NT5C3A: variants seen among roughly 807,000 people sequenced by gnomAD.
NT5C3A encodes the protein cytosolic 5'-nucleotidase 3A.
In NT5C3A, 23 loss-of-function variants were observed where a neutral mutation model predicts 40.0. The observed-to-expected ratio is 0.58, with a 90% confidence interval of 0.41 to 0.81. The LOEUF is 0.81. Among genes scored for constraint, NT5C3A ranks in the 40% least tolerant of loss-of-function variants. The pLI, the probability that NT5C3A is intolerant of heterozygous loss-of-function variation, is 0.00. For missense variants in NT5C3A, 328 were observed against 403.0 expected, an observed-to-expected ratio of 0.81 and a Z score of 1.59; for synonymous variants, 130 against 141.4, an observed-to-expected ratio of 0.92 and a Z score of 0.57.
intron 1 of NT5C3A, among the ~76,000 whole-genome samples, chr7:33,036,867 A>C (rs1786634873): frequency 6.6e-6 from 1 of 151,828 alleles, no homozygotes; most frequent in Non-Finnish European, 1.5e-5. Context: ...GCTGGAGTGC[A>C]GTGGCATGAT....
intron 1 of NT5C3A, chr7:33,027,154 C>CA: frequency 2.4e-6 from 1 of 412,942 alleles, no homozygotes. Flanking sequence ...ACCGTAGCCT[C>CA]AAACTCCTGG....
chr7:33,049,499 A>G (rs949941863), intron 1 of NT5C3A, among the ~76,000 whole-genome samples: 3 of 152,198 alleles, frequency 2.0e-5, no homozygotes, highest in Non-Finnish European at 2.9e-5. Context: ...AAGATACTGT[A>G]TATCATTACT....
intron 4 of NT5C3A, 55 bp downstream of exon 4, chr7:33,021,998 A>G (rs1785650994): frequency 9.9e-7 from 1 of 1,007,218 alleles, no homozygotes; most frequent in Non-Finnish European, 1.6e-6. Flanking sequence ...AGAAATTCTC[A>G]GGCAAAAAGG....
At chr7:33,029,343 T>C (rs2128000377) in intron 1 of NT5C3A, 1 of 264,868 alleles carries the variant, frequency 3.8e-6, no homozygotes, top group African/African-American at 2.3e-5. Flanking sequence ...AGGGATATGA[T>C]GATGAGTAGT....
At chr7:33,019,603 C>A (rs1306521539) in intron 6 of NT5C3A, 32 bp downstream of exon 6, 1 of 1,264,132 alleles carries the variant, frequency 7.9e-7, no homozygotes, top group African/African-American at 1.5e-5. Context: ...AGTCTGTGAA[C>A]AATAACAGCA....
At chr7:33,057,742 G>C (rs939782742) in intron 1 of NT5C3A, among the ~76,000 whole-genome samples, 9 of 152,022 alleles carry the variant, frequency 5.9e-5, no homozygotes, top group African/African-American at 2.2e-4. Context: ...AGCTACTTAA[G>C]TAATAGTTGA....
chr7:33,062,688 C>G lies in NT5C3A; in HGVS notation c.18G>C (p.Val6=). 6.4e-7 allele frequency: 1 copy of G among 1,569,724 alleles called. No individual in the cohort carries two copies. The highest frequency in any genetic ancestry group is 2.4e-5 in the East Asian group (1 of 41,740). Residue 6 remains valine, a synonymous_variant, in exon 1 of 9, where the codon GTG becomes GTC. Coordinates refer to ENST00000610140, the MANE Select transcript of NT5C3A (RefSeq NM_001002010.5). The part of the protein sequence containing the change: MDRAA[V]ARVGAVASAS... ...CGCTCGCTACCGCGCCCACCCTCGC[C>G]ACGGCCGCGCGGTCCATGGACGGGG...
At chr7:33,034,758 G>A (rs1786489169) in intron 1 of NT5C3A, among the ~76,000 whole-genome samples, 1 of 152,152 alleles carries the variant, frequency 6.6e-6, no homozygotes, top group African/African-American at 2.4e-5. Context: ...ACAAAATGCT[G>A]TGTCACGCTC....
intron 3 of NT5C3A, 158 bp downstream of exon 3, chr7:33,023,881 A>G (rs529328825): frequency 1.0e-4 from 62 of 615,168 alleles, no homozygotes; most frequent in East Asian, 5.3e-4. Context: ...TAATATGGGA[A>G]AAAAAACCTC....
intron 7 of NT5C3A, 24 bp downstream of exon 7, chr7:33,017,415 T>A (rs1161090364): frequency 6.5e-7 from 1 of 1,529,090 alleles, no homozygotes; most frequent in East Asian, 2.2e-5. Flanking sequence ...TTTAAAATTA[T>A]GAAGAACGAT....
intron 2 of NT5C3A, among the ~76,000 whole-genome samples, chr7:33,024,437 T>C (rs1270983783): frequency 2.5e-5 from 2 of 80,938 alleles, no homozygotes; most frequent in African/African-American, 1.1e-4. Context: ...TTATCTTAAG[T>C]GAAATAAGAC....
At chr7:33,045,819 T>C (rs1787123103) in intron 1 of NT5C3A, 1 of 152,058 alleles carries the variant, frequency 6.6e-6, no homozygotes, top group African/African-American at 2.4e-5. Flanking sequence ...CTCATTATGT[T>C]GCCCAGGCTG....
At chr7:33,060,535 C>T (rs1206561201) in intron 1 of NT5C3A, among the ~76,000 whole-genome samples, 2 of 152,170 alleles carry the variant, frequency 1.3e-5, no homozygotes, top group Non-Finnish European at 2.9e-5. Flanking sequence ...ACACAACCCA[C>T]TAGCAACTTC....
chr7:33,034,564 A>G (rs1326392722), intron 1 of NT5C3A, among the ~76,000 whole-genome samples: 2 of 152,224 alleles, frequency 1.3e-5, no homozygotes, highest in African/African-American at 4.8e-5. Context: ...AAGAGCTGTT[A>G]TTAGGTTGAA....
At chr7:33,021,989 G>A (rs994354193) in intron 4 of NT5C3A, 64 bp downstream of exon 4, 1 of 938,938 alleles carries the variant, frequency 1.1e-6, no homozygotes, top group African/African-American at 1.6e-5. Flanking sequence ...TGCACCTGAA[G>A]AAATTCTCAG....
At position 33,038,832 on chromosome 7, in the gene NT5C3A, T is replaced by C. The variant is rs1486166421; in HGVS notation, c.139-11917A>G. On this transcript the variant is annotated intron_variant, in intron 1 of 8. Transcript: ENST00000610140. ...TTCTGGCTTACTTTGCCAATGGTCA[T>C]CTGTTGCAGATGCTTCAAGAGAAGA... 8.8e-6 allele frequency: 4 copies of C among 456,524 alleles called. No individual in the cohort carries two copies. In the Admixed American group the frequency reaches 9.4e-5, roughly 11 times the overall value. 28.3% of individuals were successfully genotyped at this position (456,524 alleles called of 1,614,324 possible). A position where few individuals can be genotyped will look rare whatever the true frequency, so the allele number is the denominator to read the frequency against.
chr7:33,020,409 T>C (rs1009138198), intron 5 of NT5C3A, among the ~76,000 whole-genome samples: 1 of 152,210 alleles, frequency 6.6e-6, no homozygotes, highest in African/African-American at 2.4e-5. Context: ...AAGCTCATTC[T>C]CCCAGGGAAG....
intron 1 of NT5C3A, among the ~76,000 whole-genome samples, chr7:33,030,480 T>C (rs183637462): frequency 3.7e-4 from 56 of 152,280 alleles, no homozygotes; most frequent in Non-Finnish European, 1.6e-4. Context: ...ATGATAAAAT[T>C]TTATGAAAAA....
intron 1 of NT5C3A, among the ~76,000 whole-genome samples, chr7:33,030,786 T>A (rs1786204005): frequency 6.6e-6 from 1 of 152,186 alleles, no homozygotes; most frequent in African/African-American, 2.4e-5. Flanking sequence ...ATCTTGTGGA[T>A]ACACTGGGAT....
Sources: allele counts gnomAD v4.1 joint callset (sites outside exome capture counted in the v4.1 genomes callset), GRCh38; gene constraint gnomAD v4.1.1; transcripts MANE v1.5; gene names NCBI Gene and HGNC (gene_info 2026-07-23, HGNC 2026-07-21).